FRMD6: variants seen among roughly 807,000 people sequenced by gnomAD.
FRMD6 encodes the protein FERM domain containing 6.
FRMD6 carries 37 observed loss-of-function variants against 73.2 expected under a neutral mutation model. That is an observed-to-expected ratio of 0.51 (90% CI 0.39 to 0.66). The LOEUF is 0.66. Among genes scored for constraint, FRMD6 ranks in the 30% least tolerant of loss-of-function variants. The pLI is 0.00. For synonymous variants in FRMD6, 273 were observed against 282.2 expected (o/e 0.97, Z 0.33); for missense variants, 714 against 780.5 (o/e 0.91, Z 1.02).
At chr14:51,626,477 T>C (rs1891121672) in intron 2 of FRMD6, among the ~76,000 whole-genome samples, 1 of 152,294 alleles carries the variant, frequency 6.6e-6, no homozygotes, top group South Asian at 2.1e-4. Context: ...ATGTTTTTTG[T>C]TTTCTGCTCT....
At chr14:51,576,715 C>T (rs1888424110) in intron 2 of FRMD6, among the ~76,000 whole-genome samples, 1 of 152,162 alleles carries the variant, frequency 6.6e-6, no homozygotes, top group Non-Finnish European at 1.5e-5. Flanking sequence ...TTTTCTGCCT[C>T]ATAGTACTTA....
At chr14:51,558,079 G>C (rs1476435665) in intron 1 of FRMD6, among the ~76,000 whole-genome samples, 4 of 152,086 alleles carry the variant, frequency 2.6e-5, no homozygotes, top group African/African-American at 4.8e-5. Flanking sequence ...CAATTGTATA[G>C]TTGTCTTTTA....
At chr14:51,556,059 T>A (rs1219593476) in intron 1 of FRMD6, among the ~76,000 whole-genome samples, 1 of 152,214 alleles carries the variant, frequency 6.6e-6, no homozygotes, top group African/African-American at 2.4e-5. Context: ...GGGCTAAGTA[T>A]TGATGGCCTT....
At chr14:51,495,130 C>G (rs144869715) in intron 1 of FRMD6, among the ~76,000 whole-genome samples, 3 of 152,302 alleles carry the variant, frequency 2.0e-5, no homozygotes, top group African/African-American at 7.2e-5. Flanking sequence ...ACAAGTTTTT[C>G]CTTCCACAAA....
At chr14:51,677,025 C>T (rs1894436481) in intron 1 of FRMD6, among the ~76,000 whole-genome samples, 1 of 151,596 alleles carries the variant, frequency 6.6e-6, no homozygotes, top group East Asian at 1.9e-4. Flanking sequence ...TGCTTTTTTC[C>T]TTAATGTTGT....
chr14:51,398,467 A>C, the FRMD6 span, among the ~76,000 whole-genome samples: 6 of 152,328 alleles, frequency 3.9e-5, no homozygotes, highest in East Asian at 9.6e-4. Context: ...AATTTTTCAA[A>C]GAACTTTCTC....
chr14:51,583,214 T>C (rs769225383), intron 2 of FRMD6, among the ~76,000 whole-genome samples: 7 of 152,202 alleles, frequency 4.6e-5, no homozygotes, highest in Non-Finnish European at 8.8e-5. Context: ...ATTTGTGTCA[T>C]AATTCTCTTT....
the FRMD6 span, among the ~76,000 whole-genome samples, chr14:51,460,271 T>G: frequency 6.6e-6 from 1 of 152,206 alleles, no homozygotes; most frequent in Non-Finnish European, 1.5e-5. Flanking sequence ...GAGAGGGAAC[T>G]GTTGGGGGAA....
At chr14:51,566,611 C>T (rs1887787851) in intron 1 of FRMD6, among the ~76,000 whole-genome samples, 1 of 152,206 alleles carries the variant, frequency 6.6e-6, no homozygotes, top group Admixed American at 6.5e-5. Flanking sequence ...AGCCTTCCTA[C>T]ACAGTAGCCA....
chr14:51,437,370 T>G, the FRMD6 span, among the ~76,000 whole-genome samples: 2 of 150,986 alleles, frequency 1.3e-5, no homozygotes, highest in Non-Finnish European at 3.0e-5. Context: ...TGGCGCGATC[T>G]CGGCTCACTG....
upstream of FRMD6, among the ~76,000 whole-genome samples, chr14:51,647,801 G>C (rs1892145087): frequency 6.6e-6 from 1 of 152,080 alleles, no homozygotes; most frequent in African/African-American, 2.4e-5. Context: ...CTGAATGCTG[G>C]ATAGCCCTGA....
chr14:51,439,756 C>T, the FRMD6 span, among the ~76,000 whole-genome samples: 1 of 152,090 alleles, frequency 6.6e-6, no homozygotes, highest in South Asian at 2.1e-4. Context: ...TTTTTGAGCT[C>T]TAGCTAAGTA....
intron 1 of FRMD6, among the ~76,000 whole-genome samples, chr14:51,525,678 C>A (rs1248666209): frequency 1.3e-5 from 2 of 152,120 alleles, no homozygotes; most frequent in African/African-American, 4.8e-5. Flanking sequence ...CTTTCTCCTG[C>A]CTCCTCATTT....
chr14:51,708,418 C>T, intron 7 of FRMD6, 185 bp downstream of exon 7: 1 of 572,668 alleles, frequency 1.7e-6, no homozygotes, highest in Non-Finnish European at 3.0e-6. Flanking sequence ...GGTGCTTTTA[C>T]TCTGGCCTGG....
intron 1 of FRMD6, among the ~76,000 whole-genome samples, chr14:51,515,697 C>T (rs17124057): frequency 0.12 from 17,611 of 152,226 alleles, 1,135 homozygotes; most frequent in East Asian, 0.25. Context: ...GCTGAAAGAA[C>T]ATCTTCAGGA....
At chr14:51,532,345 G>C (rs28483939) in intron 1 of FRMD6, among the ~76,000 whole-genome samples, 4,008 of 145,742 alleles carry the variant, frequency 0.028, 181 homozygotes, top group African/African-American at 0.099. Flanking sequence ...CTATAGCCTG[G>C]GTGACAGAGC....
chr14:51,541,081 A>C (rs1369639553), intron 1 of FRMD6, among the ~76,000 whole-genome samples: 1 of 152,080 alleles, frequency 6.6e-6, no homozygotes, highest in African/African-American at 2.4e-5. Context: ...CAATTTCCCT[A>C]TCAGTTATGT....
At chr14:51,508,998 A>C (rs1173334020) in intron 1 of FRMD6, among the ~76,000 whole-genome samples, 2 of 152,232 alleles carry the variant, frequency 1.3e-5, no homozygotes, top group African/African-American at 4.8e-5. Context: ...AACATGGTGA[A>C]AAAGTCAAGC....
Position 51,720,291 on chromosome 14 carries a change from C to G in FRMD6, c.1261C>G (p.Leu421Val), listed in dbSNP as rs1897474542. ...SYSSSAIHRK[L>V]KTCSSMTSHG... ...CTCCAGCAGTGCCATCCACCGCAAG[C>G]TGAAAACCTGCAGCTCAATGACCAG... Residue 421 changes from leucine to valine, a missense_variant, in exon 11 of 14, where the codon CTG (leucine) becomes GTG (valine). Coordinates refer to ENST00000344768, the MANE Select transcript of FRMD6 (RefSeq NM_001267046.2). 3 of 1,614,032 alleles carry G rather than the reference C, an allele frequency of 1.9e-6. No homozygotes were observed. The highest frequency in any genetic ancestry group is 2.5e-6 in the Non-Finnish European group (3 of 1,179,998).
Sources: gnomAD v4.1 joint callset for allele counts (sites outside exome capture counted in the v4.1 genomes callset) on GRCh38, gnomAD v4.1.1 for gene constraint, MANE v1.5 for transcripts, NCBI Gene and HGNC (gene_info 2026-07-23, HGNC 2026-07-21) for gene names.